TMEM164: variants seen among roughly 807,000 people sequenced by gnomAD.
TMEM164 encodes the protein RP13-360B22.2.
A neutral mutation model predicts 18.8 loss-of-function variants in TMEM164; 4 were observed. The ratio of observed to expected loss-of-function variants is 0.21; its 90% CI spans 0.10 to 0.49. The LOEUF (loss-of-function observed/expected upper bound fraction) is 0.49. TMEM164 is among the 20% of genes least tolerant of loss of function. TMEM164 has a pLI of 0.98. For missense variants in TMEM164, 108 were observed against 239.9 expected (o/e 0.45, Z 3.63); for synonymous variants, 86 against 101.7 (o/e 0.85, Z 0.93).
intron 5 of TMEM164, among the ~76,000 whole-genome samples, chrX:110,170,721 T>G (rs2067218989): frequency 8.9e-6 from 1 of 112,149 alleles, no homozygotes; most frequent in African/African-American, 3.2e-5. Flanking sequence ...TCTTCAGTTA[T>G]TTGAATAATA....
At chrX:110,029,804 A>G (rs925548569) in intron 2 of TMEM164, among the ~76,000 whole-genome samples, 3 of 111,224 alleles carry the variant, frequency 2.7e-5, no homozygotes, top group South Asian at 3.8e-4. Flanking sequence ...CGTTTCCTAA[A>G]TAAGCACTCT....
chrX:110,167,252 C>T (rs1237931054), intron 5 of TMEM164, among the ~76,000 whole-genome samples: 1 of 112,353 alleles, frequency 8.9e-6, no homozygotes. Flanking sequence ...TTACCCTCAG[C>T]CCACCAGCAG....
chrX:110,036,041 CT>C (rs745342393), intron 2 of TMEM164, among the ~76,000 whole-genome samples: 2 of 110,879 alleles, frequency 1.8e-5, no homozygotes, highest in African/African-American at 6.6e-5. Context: ...AAAGCAAAAT[CT>C]TTTTTTTAAA....
At chrX:110,099,394 A>G (rs1436407612) in intron 3 of TMEM164, among the ~76,000 whole-genome samples, 3 of 110,922 alleles carry the variant, frequency 2.7e-5, no homozygotes. Flanking sequence ...TTATAGTTTT[A>G]TATTTTCTAT....
intron 2 of TMEM164, among the ~76,000 whole-genome samples, chrX:110,026,690 A>C (rs1005529118): frequency 8.9e-6 from 1 of 112,083 alleles, no homozygotes; most frequent in Non-Finnish European, 1.9e-5. Flanking sequence ...AGAGCAACTA[A>C]ATAGCTTGCC....
chrX:110,136,708 C>A (rs2066696360), intron 4 of TMEM164, among the ~76,000 whole-genome samples: 1 of 111,171 alleles, frequency 9.0e-6, no homozygotes, highest in African/African-American at 3.3e-5. Context: ...CCTTCCTCAT[C>A]TCCTGGGATC....
chrX:110,017,554 CCTTCCTTT>C (rs1933533216), intron 2 of TMEM164, among the ~76,000 whole-genome samples: 47 of 55,676 alleles, frequency 8.4e-4, no homozygotes, highest in Non-Finnish European at 2.8e-4. Context: ...TTCCTTCCTT[CCTTCCTTT>C]CTTTCTTTCA....
chrX:110,030,181 A>G (rs1052102310), intron 2 of TMEM164, among the ~76,000 whole-genome samples: 40 of 80,188 alleles, frequency 5.0e-4, no homozygotes, highest in African/African-American at 1.8e-3. Flanking sequence ...GTGCAGTGGC[A>G]TGATCATGGC....
At chrX:110,054,542 C>T (rs919486067) in intron 2 of TMEM164, among the ~76,000 whole-genome samples, 1 of 111,944 alleles carries the variant, frequency 8.9e-6, no homozygotes, top group Non-Finnish European at 1.9e-5. Flanking sequence ...ACATCTGGCA[C>T]CCTTGAGCTC....
chrX:110,018,480 G>A (rs1933608823), intron 2 of TMEM164, among the ~76,000 whole-genome samples: 1 of 112,221 alleles, frequency 8.9e-6, no homozygotes, highest in Non-Finnish European at 1.9e-5. Context: ...GACTAGTCAG[G>A]TTCAAATCCC....
intron 3 of TMEM164, among the ~76,000 whole-genome samples, chrX:110,079,266 GT>G (rs1232150544): frequency 1.8e-5 from 2 of 111,446 alleles, no homozygotes; most frequent in African/African-American, 3.3e-5. Context: ...TTCCTGGGCA[GT>G]TTTTCACTAA....
Position 110,067,216 on chromosome X carries a change from C to T in TMEM164, c.391-131C>T, listed in dbSNP as rs1187540004. ...TGCAAGCACAAACATGTACCTGTTGCCTTTAAAAATTTTTATATTACATTA... is the reference window on the plus strand; with the variant it reads ...TGCAAGCACAAACATGTACCTGTTGTCTTTAAAAATTTTTATATTACATTA... On this transcript the variant is annotated intron_variant, in intron 2 of 6. Coordinates refer to ENST00000372068, the MANE Select transcript of TMEM164 (RefSeq NM_032227.4). 4 of 603,058 alleles carry T rather than the reference C, an allele frequency of 6.6e-6. No homozygotes were observed. The African/African-American group carries it at 9.1e-5, about 14-fold the overall frequency. 49.7% of individuals were successfully genotyped at this position (603,058 alleles called of 1,213,427 possible).
chrX:110,030,821 A>G (rs1314200219), intron 2 of TMEM164, among the ~76,000 whole-genome samples: 3 of 109,681 alleles, frequency 2.7e-5, no homozygotes, highest in Non-Finnish European at 3.8e-5. Flanking sequence ...AAAAAAAAAA[A>G]AAAAGAAAAA....
chrX:110,170,337 G>C (rs755526577), intron 5 of TMEM164, among the ~76,000 whole-genome samples: 1 of 113,147 alleles, frequency 8.8e-6, no homozygotes, highest in Non-Finnish European at 1.9e-5. Context: ...GTTGTTGACT[G>C]TGAGTCTGCA....
At chrX:110,047,087 G>A (rs1434405653) in intron 2 of TMEM164, among the ~76,000 whole-genome samples, 1 of 111,935 alleles carries the variant, frequency 8.9e-6, no homozygotes, top group Non-Finnish European at 1.9e-5. Flanking sequence ...AGGCTACTCT[G>A]TAAAATGGCC....
intron 3 of TMEM164, among the ~76,000 whole-genome samples, chrX:110,072,404 T>C (rs1333193624): frequency 9.0e-6 from 1 of 111,102 alleles, no homozygotes; most frequent in East Asian, 2.8e-4. Flanking sequence ...CTTAATCACC[T>C]TTCTGATGTG....
At chrX:110,015,755 A>G (rs1386582255) in intron 2 of TMEM164, among the ~76,000 whole-genome samples, 1 of 111,584 alleles carries the variant, frequency 9.0e-6, no homozygotes, top group Non-Finnish European at 1.9e-5. Context: ...CCCCACAGGG[A>G]ATGTTGGCAC....
At chrX:110,164,819 T>C (rs2067138745) in intron 5 of TMEM164, among the ~76,000 whole-genome samples, 1 of 111,477 alleles carries the variant, frequency 9.0e-6, no homozygotes, top group African/African-American at 3.3e-5. Flanking sequence ...AAAGAAGTTA[T>C]TCACTCTACC....
intron 5 of TMEM164, among the ~76,000 whole-genome samples, chrX:110,166,034 C>A (rs1275932130): frequency 8.9e-5 from 10 of 112,189 alleles, no homozygotes; most frequent in Non-Finnish European, 1.3e-4. Flanking sequence ...GCAAACAAGG[C>A]TCTTCATGAC....
Sources: allele counts gnomAD v4.1 joint callset (sites outside exome capture counted in the v4.1 genomes callset), GRCh38; gene constraint gnomAD v4.1.1; transcripts MANE v1.5; gene names NCBI Gene and HGNC (gene_info 2026-07-23, HGNC 2026-07-21).